MYO3B: variants seen among roughly 807,000 people sequenced by gnomAD.
The protein encoded by MYO3B is myosin-IIIb.
In MYO3B, 156 loss-of-function variants were observed where a neutral mutation model predicts 174.6. The ratio of observed to expected loss-of-function variants is 0.89; its 90% CI spans 0.78 to 1.02. The LOEUF (loss-of-function observed/expected upper bound fraction) is 1.02, where lower values mean the gene tolerates loss of function less well. Among genes scored for constraint, MYO3B ranks in the 50% least tolerant of loss-of-function variants. The pLI is 0.00. For missense variants in MYO3B, 1,632 were observed against 1,639.4 expected, an observed-to-expected ratio of 1.00 and a Z score of 0.08; for synonymous variants, 563 against 569.1, an observed-to-expected ratio of 0.99 and a Z score of 0.15.
At chr2:170,381,980 T>C (rs2094338982) in intron 9 of MYO3B, 36 bp from the exon 10 acceptor site, 1 of 1,548,748 alleles carries the variant, frequency 6.5e-7, no homozygotes, top group South Asian at 1.1e-5. Flanking sequence ...CATTATTTGC[T>C]GTCTTAATGC....
At chr2:170,192,190 T>C (rs935187091) in intron 1 of MYO3B, among the ~76,000 whole-genome samples, 4 of 152,072 alleles carry the variant, frequency 2.6e-5, no homozygotes, top group Non-Finnish European at 5.9e-5. Flanking sequence ...GAAGAATTTA[T>C]TGTTAAAACC....
In MYO3B at chr2:170,489,634, G is replaced by GGTGTGTGTGTGTGTGTGTGTGT. The variant is rs369174830; in HGVS notation, c.3015-8945_3015-8924dup. Among the ~76,000 whole-genome samples, 518 of 139,368 alleles carry GGTGTGTGTGTGTGTGTGTGTGT rather than the reference G, an allele frequency of 3.7e-3. 11 individuals carry two copies. Among genetic ancestry groups the GGTGTGTGTGTGTGTGTGTGTGT allele is most frequent in the Middle Eastern group, 0.014 (4 of 280 alleles). The allele number at this position is 139,368 out of a possible 152,430, so 91.4% of individuals were successfully genotyped here. On this transcript the variant is annotated intron_variant, in intron 25 of 34. Coordinates refer to ENST00000408978, the MANE Select transcript of MYO3B (RefSeq NM_138995.5). Reference sequence around the variant, plus strand: ...TCTCCAGAGAAACAAAACCAGTAGGGGTGTGTGTGTGTGTGTGTGTGTGTG... The same window carrying GGTGTGTGTGTGTGTGTGTGTGT: ...TCTCCAGAGAAACAAAACCAGTAGGGGTGTGTGTGTGTGTGTGTGTGTGTGTGTGTGTGTGTGTGTGTGTGTG...
rs549900358 is a variant in MYO3B, at chr2:170,600,935, C to T, written c.3734-50693C>T. ...AGTTTGTAAATATAAGTGGGCTATG[C>T]GAAATTTCTTAACTGATCAAGATTT... On this transcript the variant is annotated intron_variant, in intron 32 of 34. Coordinates refer to ENST00000408978, the MANE Select transcript of MYO3B (RefSeq NM_138995.5). 7.2e-5 allele frequency among the ~76,000 whole-genome samples: 11 copies of T among 152,250 alleles called. No homozygotes were observed. The South Asian group carries it at 8.3e-4, about 11-fold the overall frequency.
Position 170,653,803 on chromosome 2 carries a change from C to T in MYO3B, c.*682C>T, listed in dbSNP as rs186273124. ...TTATTTCACCTTGCCAAGACACCCA[C>T]ACTACTTTGGTGATGAAAAGAAAGG... On this transcript the variant is annotated 3_prime_UTR_variant, in exon 35 of 35. Coordinates refer to ENST00000408978, the MANE Select transcript of MYO3B (RefSeq NM_138995.5). 27 of 152,364 alleles carry T rather than the reference C, an allele frequency of 1.8e-4. No individual in the cohort carries two copies. The East Asian group carries it at 4.8e-3, about 27-fold the overall frequency. 9.4% of individuals were successfully genotyped at this position (152,364 alleles called of 1,614,324 possible).
intron 8 of MYO3B, among the ~76,000 whole-genome samples, chr2:170,365,171 AC>A (rs1449219819): frequency 6.6e-6 from 1 of 152,182 alleles, no homozygotes; most frequent in Non-Finnish European, 1.5e-5. Flanking sequence ...TTTTAACAAC[AC>A]GGAACAAAGC....
intron 24 of MYO3B, among the ~76,000 whole-genome samples, chr2:170,465,508 A>G (rs893992836): frequency 6.6e-5 from 10 of 152,176 alleles, no homozygotes; most frequent in African/African-American, 2.2e-4. Flanking sequence ...GTCACATTTC[A>G]ACATGAGATT....
chr2:170,567,962 A>G (rs1004027985), intron 32 of MYO3B, among the ~76,000 whole-genome samples: 1 of 152,224 alleles, frequency 6.6e-6, no homozygotes, highest in African/African-American at 2.4e-5. Context: ...ATGGAACTTC[A>G]AGCAAGGTGC....
Position 170,596,809 on chromosome 2 carries a change from A to G in MYO3B, c.3733+52821A>G, listed in dbSNP as rs112042012. Among the ~76,000 whole-genome samples, 692 of 152,330 alleles carry G rather than the reference A, an allele frequency of 4.5e-3. 2 individuals are homozygous for G. The highest frequency in any genetic ancestry group is 7.7e-3 in the Non-Finnish European group (523 of 68,028). The stretch of plus-strand genomic sequence containing the variant: ...AAAGAAGCCATTGTTCTTAACGCAC[A>G]TGGTCACCAGCCACAGGCCTGTAAA... On this transcript the variant is annotated intron_variant, in intron 32 of 34. Coordinates refer to ENST00000408978, the MANE Select transcript of MYO3B (RefSeq NM_138995.5).
At chr2:170,203,316 G>T (rs1204684832) in intron 3 of MYO3B, among the ~76,000 whole-genome samples, 1 of 152,152 alleles carries the variant, frequency 6.6e-6, no homozygotes, top group Non-Finnish European at 1.5e-5. Flanking sequence ...ATTTCTGCAT[G>T]AATCAAGTGT....
At chr2:170,409,723 G>A (rs763228255) in intron 22 of MYO3B, among the ~76,000 whole-genome samples, 5 of 152,180 alleles carry the variant, frequency 3.3e-5, no homozygotes, top group Non-Finnish European at 7.3e-5. Context: ...AAGGTAATAC[G>A]GCTTTGCCGT....
chr2:170,390,848 C>T (rs2094407151), intron 14 of MYO3B, among the ~76,000 whole-genome samples: 1 of 152,086 alleles, frequency 6.6e-6, no homozygotes, highest in African/African-American at 2.4e-5. Flanking sequence ...TTATCATGCT[C>T]TTGGATGTCA....
intron 32 of MYO3B, chr2:170,640,314 C>T (rs1337945736): frequency 6.6e-6 from 1 of 152,196 alleles, no homozygotes; most frequent in Non-Finnish European, 1.5e-5. Flanking sequence ...TACAACAGCC[C>T]CTTCGCAGCA....
intron 32 of MYO3B, among the ~76,000 whole-genome samples, chr2:170,640,049 A>T (rs1304759982): frequency 1.3e-5 from 2 of 152,196 alleles, no homozygotes. Context: ...AATGGCAGAT[A>T]GCTAATCTGC....
At chr2:170,536,160 G>A (rs905671935) in intron 30 of MYO3B, among the ~76,000 whole-genome samples, 13 of 152,178 alleles carry the variant, frequency 8.5e-5, no homozygotes, top group African/African-American at 2.2e-4. Context: ...ATGGGCTCAC[G>A]GTTGGGGAAA....
intron 32 of MYO3B, among the ~76,000 whole-genome samples, chr2:170,632,807 C>T (rs1307440130): frequency 1.3e-5 from 2 of 152,046 alleles, no homozygotes; most frequent in African/African-American, 4.8e-5. Context: ...GGCATATCAC[C>T]ACTGATCCCA....
chr2:170,403,119 G>A, intron 19 of MYO3B, 124 bp downstream of exon 19: 9 of 879,900 alleles, frequency 1.0e-5, no homozygotes, highest in Non-Finnish European at 1.3e-5. Flanking sequence ...ATAGGGTAAG[G>A]CAGTCCTGGC....
At chr2:170,570,367 G>A (rs565958453) in intron 32 of MYO3B, among the ~76,000 whole-genome samples, 33 of 152,184 alleles carry the variant, frequency 2.2e-4, no homozygotes, top group Non-Finnish European at 4.1e-4. Context: ...CTTCTTTTAC[G>A]CTAGGAAACC....
intron 7 of MYO3B, among the ~76,000 whole-genome samples, chr2:170,253,123 GGAAGGAGGTGGTAAGAGTA>G (rs2093271032): frequency 6.6e-6 from 1 of 152,196 alleles, no homozygotes; most frequent in South Asian, 2.1e-4. Context: ...GGAATATTAG[GGAAGGAGGTGGTAAGAGTA>G]GAAGCAGAGA....
At chr2:170,228,958 T>TAAAAAAAAAAAAAAAAAAAAAAAAAA (rs1491137487) in intron 6 of MYO3B, among the ~76,000 whole-genome samples, 1 of 59,354 alleles carries the variant, frequency 1.7e-5, no homozygotes, top group Non-Finnish European at 3.0e-5. Flanking sequence ...ATATTCCCTT[T>TAAAAAAAAAAAAAAAAAAAAAAAAAA]ACAAAAAAAA....
Sources: allele counts gnomAD v4.1 joint callset (sites outside exome capture counted in the v4.1 genomes callset), GRCh38; gene constraint gnomAD v4.1.1; transcripts MANE v1.5; gene names NCBI Gene and HGNC (gene_info 2026-07-23, HGNC 2026-07-21).